TACC2: variants seen among roughly 807,000 people sequenced by gnomAD.
TACC2 encodes transforming acidic coiled-coil-containing protein 2.
Under a neutral mutation model 227.3 loss-of-function variants are expected in TACC2, and 137 were observed. That is an observed-to-expected ratio of 0.60 (90% CI 0.52 to 0.69). The LOEUF (loss-of-function observed/expected upper bound fraction) is 0.69, where lower values mean the gene tolerates loss of function less well. Ranked by LOEUF, TACC2 falls within the 30% of genes least tolerant of loss-of-function variation. The probability of loss-of-function intolerance (pLI) is 0.00; values close to 1 mark genes in which losing one functional copy is unlikely to be tolerated. For missense variants in TACC2, 3,470 were observed against 3,694.4 expected, an observed-to-expected ratio of 0.94 and a Z score of 1.57; for synonymous variants, 1,523 against 1,487.5, an observed-to-expected ratio of 1.02 and a Z score of -0.55.
At chr10:122,014,118 A>G (rs1956264878) in intron 1 of TACC2, among the ~76,000 whole-genome samples, 1 of 152,206 alleles carries the variant, frequency 6.6e-6, no homozygotes, top group African/African-American at 2.4e-5. Context: ...AAATCCCAAT[A>G]GATCATTACT....
intron 3 of TACC2, among the ~76,000 whole-genome samples, chr10:122,062,819 C>T (rs151019783): frequency 3.9e-5 from 6 of 152,294 alleles, no homozygotes; most frequent in Non-Finnish European, 7.3e-5. Flanking sequence ...CTTACTCCTC[C>T]GTTTCACTGT....
intron 3 of TACC2, among the ~76,000 whole-genome samples, chr10:122,063,270 CTTCCAAACTTGG>C (rs893473006): frequency 3.3e-5 from 5 of 152,254 alleles, no homozygotes; most frequent in African/African-American, 1.2e-4. Context: ...TGCTCTGTTC[CTTCCAAACTTGG>C]GAGGACTCTA....
At chr10:122,198,026 G>A (rs1367749912) in intron 8 of TACC2, among the ~76,000 whole-genome samples, 1 of 152,268 alleles carries the variant, frequency 6.6e-6, no homozygotes, top group African/African-American at 2.4e-5. Context: ...TGCCCGGGAT[G>A]TTGCGAAAGG....
Position 122,071,703 on chromosome 10 carries a change from G to A in TACC2, c.147-10944G>A, listed in dbSNP as rs556798090. ...AGGCTGGCCAACATGGGAAAACCCT[G>A]TCTCTACTAAAAATACAAAAAAAAA... On this transcript the variant is annotated intron_variant, in intron 3 of 22. Coordinates refer to ENST00000369005, the MANE Select transcript of TACC2 (RefSeq NM_206862.4). 5.5e-5 allele frequency among the ~76,000 whole-genome samples: 6 copies of A among 108,750 alleles called. No individual in the cohort carries two copies. The South Asian group carries it at 2.1e-3, about 39-fold the overall frequency. The allele number at this position is 108,750 out of a possible 152,430, so 71.3% of individuals were successfully genotyped here.
chr10:122,165,029 A>G (rs1332148133), intron 7 of TACC2, among the ~76,000 whole-genome samples: 1 of 151,130 alleles, frequency 6.6e-6, no homozygotes, highest in Non-Finnish European at 1.5e-5. Context: ...TGCTAGGCTG[A>G]GCCTCGTGGT....
chr10:122,089,659 C>T (rs1388636351), intron 5 of TACC2, among the ~76,000 whole-genome samples: 1 of 152,206 alleles, frequency 6.6e-6, no homozygotes, highest in Non-Finnish European at 1.5e-5. Flanking sequence ...TACATGCATA[C>T]AACACTTGTG....
At chr10:122,066,657 C>T (rs2077424879) in intron 3 of TACC2, among the ~76,000 whole-genome samples, 1 of 152,204 alleles carries the variant, frequency 6.6e-6, no homozygotes, top group Admixed American at 6.5e-5. Context: ...CCTGCCTCGG[C>T]CTCCCAAAGT....
chr10:122,134,971 T>C (rs1039799201), intron 6 of TACC2, among the ~76,000 whole-genome samples: 2 of 152,218 alleles, frequency 1.3e-5, no homozygotes, highest in Admixed American at 1.3e-4. Flanking sequence ...AGTCTCCTTT[T>C]CCCTGGACAC....
At chr10:122,188,983 C>T (rs558332327) in intron 7 of TACC2, among the ~76,000 whole-genome samples, 9 of 152,242 alleles carry the variant, frequency 5.9e-5, no homozygotes, top group African/African-American at 1.9e-4. Flanking sequence ...GTCACCTGAC[C>T]GTCCAAGATG....
At chr10:122,227,725 C>A in intron 13 of TACC2, 112 bp from the exon 14 acceptor site, 2 of 1,225,558 alleles carry the variant, frequency 1.6e-6, no homozygotes, top group Non-Finnish European at 1.2e-6. Context: ...GGCTCATATC[C>A]CTCTGGAAGT....
chr10:122,102,489 C>G (rs1468897457), intron 5 of TACC2, among the ~76,000 whole-genome samples: 1 of 152,210 alleles, frequency 6.6e-6, no homozygotes, highest in Non-Finnish European at 1.5e-5. Context: ...GCTGATCCAT[C>G]AAATAGTTTA....
chr10:122,044,673 G>GT (rs2074759197), intron 2 of TACC2, among the ~76,000 whole-genome samples: 2 of 141,968 alleles, frequency 1.4e-5, no homozygotes, highest in African/African-American at 5.2e-5. Context: ...CGTTTAAGAG[G>GT]TAAGTGGAAT....
At chr10:122,246,114 C>G (rs1192982074) in intron 19 of TACC2, among the ~76,000 whole-genome samples, 2 of 152,156 alleles carry the variant, frequency 1.3e-5, no homozygotes. Context: ...GGGTCCCTGC[C>G]CCAGCAGCAT....
intron 3 of TACC2, among the ~76,000 whole-genome samples, chr10:122,073,313 G>T (rs1268305000): frequency 6.6e-6 from 1 of 151,692 alleles, no homozygotes; most frequent in African/African-American, 2.4e-5. Flanking sequence ...TGGAGACGGG[G>T]AAGGAGACAT....
intron 5 of TACC2, among the ~76,000 whole-genome samples, chr10:122,117,140 G>A (rs568039030): frequency 1.3e-5 from 2 of 151,486 alleles, no homozygotes; most frequent in African/African-American, 2.4e-5. Context: ...TCTCAGGGCC[G>A]CAGTTTCTCC....
intron 7 of TACC2, among the ~76,000 whole-genome samples, chr10:122,175,682 C>G (rs955812413): frequency 2.0e-5 from 3 of 152,242 alleles, no homozygotes; most frequent in South Asian, 4.1e-4. Context: ...CAGGTACGGA[C>G]TTTCCTGGAG....
At position 122,084,958 on chromosome 10, in the gene TACC2, G is replaced by T. The variant is rs150668512; in HGVS notation, c.2458G>T (p.Glu820Ter). 1 of 1,614,150 alleles carries T rather than the reference G, an allele frequency of 6.2e-7. No homozygotes were observed. The highest frequency in any genetic ancestry group is 1.7e-5 in the Admixed American group (1 of 60,024). The change falls in exon 4 of 23, where the codon GAG becomes TAG. Residue 820 changes from glutamate to a stop codon, truncating the protein, a stop_gained. Transcript: ENST00000369005. LOFTEE classifies it high-confidence loss of function. ...GEGWIRGAAS[E>*]WPLLSSEKHL... The stretch of plus-strand genomic sequence containing the variant: ...AGGCTGGATAAGAGGAGCTGCATCC[G>T]AGTGGCCCCTACTATCTTCTGAGAA...
chr10:122,135,618 A>T (rs2089454700), intron 6 of TACC2, among the ~76,000 whole-genome samples: 1 of 152,194 alleles, frequency 6.6e-6, no homozygotes, highest in South Asian at 2.1e-4. Flanking sequence ...GATTGGTCTG[A>T]CTTTGGTCAC....
At chr10:122,250,608 T>C (rs1202547025) in intron 22 of TACC2, among the ~76,000 whole-genome samples, 2 of 152,152 alleles carry the variant, frequency 1.3e-5, no homozygotes, top group African/African-American at 4.8e-5. Flanking sequence ...AGTGGTGATC[T>C]CTGCCCTGGG....
Sources: gnomAD v4.1 joint callset for allele counts (sites outside exome capture counted in the v4.1 genomes callset) on GRCh38, gnomAD v4.1.1 for gene constraint, MANE v1.5 for transcripts, NCBI Gene and HGNC (gene_info 2026-07-23, HGNC 2026-07-21) for gene names.